Variants in ZBTB7C observed in about 807,000 individuals in gnomAD.
ZBTB7C encodes the protein zinc finger and BTB domain containing 7C.
Under a neutral mutation model 25.7 loss-of-function variants are expected in ZBTB7C, and 8 were observed. The ratio of observed to expected loss-of-function variants is 0.31; its 90% CI spans 0.18 to 0.56. ZBTB7C has a LOEUF of 0.56. ZBTB7C is among the 20% of genes least tolerant of loss of function. The pLI, the probability that ZBTB7C is intolerant of heterozygous loss-of-function variation, is 0.91. For synonymous variants in ZBTB7C, 394 were observed against 369.0 expected, an observed-to-expected ratio of 1.07 and a Z score of -0.78; for missense variants, 824 against 855.2, an observed-to-expected ratio of 0.96 and a Z score of 0.46.
chr18:48,376,615 G>A (rs533863453), intron 1 of ZBTB7C, among the ~76,000 whole-genome samples: 3 of 152,306 alleles, frequency 2.0e-5, no homozygotes, highest in East Asian at 1.9e-4. Context: ...TGGGGTGGAC[G>A]GCAGACCCCA....
intron 3 of ZBTB7C, among the ~76,000 whole-genome samples, chr18:48,052,925 C>G (rs2036753714): frequency 6.6e-6 from 1 of 152,180 alleles, no homozygotes. Context: ...GCTGCTGCAT[C>G]TCACTTTGGG....
At chr18:48,248,752 C>T (rs201272458) in intron 2 of ZBTB7C, among the ~76,000 whole-genome samples, 1 of 152,004 alleles carries the variant, frequency 6.6e-6, no homozygotes, top group Non-Finnish European at 1.5e-5. Context: ...GCATATAAAA[C>T]ACACAAGAGA....
intron 3 of ZBTB7C, among the ~76,000 whole-genome samples, chr18:48,104,634 G>T (rs2038965038): frequency 6.6e-6 from 1 of 152,174 alleles, no homozygotes; most frequent in Admixed American, 6.5e-5. Context: ...GAAGGCATTT[G>T]GTAATCGTTA....
chr18:48,134,845 A>G (rs1022122640), intron 3 of ZBTB7C, among the ~76,000 whole-genome samples: 21 of 152,188 alleles, frequency 1.4e-4, no homozygotes, highest in African/African-American at 4.6e-4. Flanking sequence ...TAAACCCTAA[A>G]TGAATAATCT....
At chr18:48,310,729 G>A (rs575310407) in intron 2 of ZBTB7C, among the ~76,000 whole-genome samples, 1 of 152,322 alleles carries the variant, frequency 6.6e-6, no homozygotes, top group African/African-American at 2.4e-5. Flanking sequence ...CTTGTCCCCT[G>A]GCCTCCCCTA....
intron 1 of ZBTB7C, among the ~76,000 whole-genome samples, chr18:48,356,275 A>C (rs1162507788): frequency 6.6e-6 from 1 of 152,186 alleles, no homozygotes; most frequent in Non-Finnish European, 1.5e-5. Flanking sequence ...GAAAGCCTCC[A>C]TGCAGCCTGA....
At chr18:48,188,996 C>A (rs1394613203) in intron 2 of ZBTB7C, among the ~76,000 whole-genome samples, 2 of 152,176 alleles carry the variant, frequency 1.3e-5, no homozygotes, top group African/African-American at 4.8e-5. Context: ...AAAATCTGGT[C>A]TCTTCTAATA....
chr18:48,055,735 C>T (rs2036890163), intron 3 of ZBTB7C, among the ~76,000 whole-genome samples: 1 of 152,194 alleles, frequency 6.6e-6, no homozygotes, highest in Non-Finnish European at 1.5e-5. Flanking sequence ...CCTGATTCAG[C>T]ACCTTATAGA....
At chr18:48,394,394 A>G (rs1252845897) in intron 1 of ZBTB7C, among the ~76,000 whole-genome samples, 1 of 152,218 alleles carries the variant, frequency 6.6e-6, no homozygotes, top group East Asian at 1.9e-4. Flanking sequence ...CACAGCGCTC[A>G]GCTAAGCCAG....
chr18:48,279,044 G>C (rs1025115859), intron 2 of ZBTB7C, among the ~76,000 whole-genome samples: 3 of 151,900 alleles, frequency 2.0e-5, no homozygotes, highest in Non-Finnish European at 1.5e-5. Flanking sequence ...AGGGGAACTG[G>C]TATGCTGGGC....
chr18:48,281,204 T>C (rs573304938), intron 2 of ZBTB7C, among the ~76,000 whole-genome samples: 1 of 151,996 alleles, frequency 6.6e-6, no homozygotes, highest in Non-Finnish European at 1.5e-5. Context: ...AAACAAGCAA[T>C]GGGGAAAGGA....
At chr18:48,033,287 G>C (rs2035839365) in intron 4 of ZBTB7C, among the ~76,000 whole-genome samples, 1 of 152,126 alleles carries the variant, frequency 6.6e-6, no homozygotes, top group Non-Finnish European at 1.5e-5. Context: ...AGCTGGTGGG[G>C]GCAAAGGAAC....
At chr18:48,208,708 C>T (rs2042636258) in intron 2 of ZBTB7C, among the ~76,000 whole-genome samples, 1 of 152,240 alleles carries the variant, frequency 6.6e-6, no homozygotes. Flanking sequence ...AAGCCCCTGT[C>T]AACTTCAGCT....
chr18:48,141,146 A>AC (rs1377082699), intron 3 of ZBTB7C, among the ~76,000 whole-genome samples: 19 of 81,712 alleles, frequency 2.3e-4, no homozygotes, highest in Non-Finnish European at 4.3e-4. Context: ...CCCCCGCACC[A>AC]CCCCCCCCAC....
At chr18:48,390,977 G>C (rs1257061372) in intron 1 of ZBTB7C, among the ~76,000 whole-genome samples, 1 of 152,192 alleles carries the variant, frequency 6.6e-6, no homozygotes, top group Non-Finnish European at 1.5e-5. Flanking sequence ...CCATGGGTGA[G>C]AAAGCCACTG....
intron 2 of ZBTB7C, among the ~76,000 whole-genome samples, chr18:48,216,255 G>A (rs1261354082): frequency 6.6e-6 from 1 of 152,148 alleles, no homozygotes; most frequent in Non-Finnish European, 1.5e-5. Flanking sequence ...GTTCTTTATT[G>A]TGCTGAAGAG....
At chr18:48,107,648 G>A (rs74527362) in intron 3 of ZBTB7C, among the ~76,000 whole-genome samples, 25,997 of 152,060 alleles carry the variant, frequency 0.17, 2,495 homozygotes, top group Non-Finnish European at 0.22. Flanking sequence ...GGTAGTGGGC[G>A]GGGCAGGGCC....
chr18:48,174,164 G>A (rs2041592591), intron 3 of ZBTB7C, among the ~76,000 whole-genome samples: 1 of 152,082 alleles, frequency 6.6e-6, no homozygotes, highest in African/African-American at 2.4e-5. Context: ...AAAGTCACAG[G>A]CAAATAATAA....
chr18:48,339,493 G>A (rs1335731776), intron 1 of ZBTB7C, among the ~76,000 whole-genome samples: 2 of 152,270 alleles, frequency 1.3e-5, no homozygotes, highest in South Asian at 2.1e-4. Flanking sequence ...CAGTAGCTCT[G>A]TGGAGGGGTG....
Sources: gnomAD v4.1 joint callset for allele counts (sites outside exome capture counted in the v4.1 genomes callset) on GRCh38, gnomAD v4.1.1 for gene constraint, MANE v1.5 for transcripts, NCBI Gene and HGNC (gene_info 2026-07-23, HGNC 2026-07-21) for gene names.